PCNT: variants seen among roughly 807,000 people sequenced by gnomAD.
The protein encoded by PCNT is pericentrin.
Under a neutral mutation model 380.4 loss-of-function variants are expected in PCNT, and 319 were observed. The ratio of observed to expected loss-of-function variants is 0.84; its 90% confidence interval spans 0.77 to 0.92. The LOEUF is 0.92. PCNT is among the 40% of genes least tolerant of loss of function. PCNT has a pLI of 0.00. For synonymous variants in PCNT, 1,845 were observed against 1,735.2 expected, an observed-to-expected ratio of 1.06 and a Z score of -1.57; for missense variants, 4,400 against 4,255.3, an observed-to-expected ratio of 1.03 and a Z score of -0.95.
At chr21:46,365,350 C>A in intron 14 of PCNT, among the ~76,000 whole-genome samples, 1 of 142,870 alleles carries the variant, frequency 7.0e-6, no homozygotes, top group Non-Finnish European at 1.5e-5. Flanking sequence ...GGGTTCTATT[C>A]ACTGCCGTGG....
At position 46,351,397 on chromosome 21, in the gene PCNT, A is replaced by G. The variant is rs774194138; in HGVS notation, c.1345-32A>G. 13 of 1,202,004 alleles carry G rather than the reference A, an allele frequency of 1.1e-5. No individual in the cohort carries two copies. In the East Asian group the frequency reaches 1.4e-4, roughly 13 times the overall value. The allele number at this position is 1,202,004 out of a possible 1,614,324, so 74.5% of individuals were successfully genotyped here. The stretch of plus-strand genomic sequence containing the variant: ...CTGGGGTGGGGGCCTTGAGCTCATT[A>G]GGGTTTCACCTGGACACTTTGCTTT... On this transcript the variant is annotated intron_variant, in intron 8 of 46. Coordinates refer to ENST00000359568, the MANE Select transcript of PCNT (RefSeq NM_006031.6).
At chr21:46,402,184 T>A in intron 26 of PCNT, 147 bp from the exon 27 acceptor site, 1 of 576,360 alleles carries the variant, frequency 1.7e-6, no homozygotes, top group East Asian at 3.3e-5. Flanking sequence ...GTTTTACCAT[T>A]TGTGTGCGGG....
chr21:46,419,104 T>C (rs1045026974), intron 31 of PCNT, among the ~76,000 whole-genome samples: 1 of 151,788 alleles, frequency 6.6e-6, no homozygotes, highest in Non-Finnish European at 1.5e-5. Context: ...GTTGTCTTTT[T>C]ACAAGTCAGT....
chr21:46,387,818 C>A (rs2147260301), intron 17 of PCNT, among the ~76,000 whole-genome samples: 1 of 152,180 alleles, frequency 6.6e-6, no homozygotes. Context: ...GTCACTGGGT[C>A]AACGTGCCTG....
chr21:46,386,803 C>T (rs960447650), intron 17 of PCNT, among the ~76,000 whole-genome samples: 3 of 152,234 alleles, frequency 2.0e-5, no homozygotes, highest in Non-Finnish European at 2.9e-5. Flanking sequence ...CTTGCTTGCA[C>T]CTGTCTGGGC....
At position 46,390,682 on chromosome 21, in the gene PCNT, C is replaced by A; in HGVS notation, c.3853C>A (p.Arg1285Ser). ...LDSSRQLEEA[R>S]QIHSRFEKEF... ...TGTGTTTTAACAGCTGGAAGAAGCA[C>A]GCCAAATTCATTCTCGTTTTGAAAA... Residue 1285 changes from arginine to serine, a missense_variant, in exon 20 of 47, where the codon CGC (arginine) becomes AGC (serine). Coordinates refer to ENST00000359568, the MANE Select transcript of PCNT (RefSeq NM_006031.6). 2 of 1,614,078 alleles carry A rather than the reference C, an allele frequency of 1.2e-6. No homozygotes were observed. Among genetic ancestry groups the A allele is most frequent in the Non-Finnish European group, 1.7e-6 (2 of 1,179,988 alleles).
chr21:46,352,819 G>A (rs2084323960), intron 9 of PCNT, among the ~76,000 whole-genome samples: 1 of 152,140 alleles, frequency 6.6e-6, no homozygotes, highest in Non-Finnish European at 1.5e-5. Flanking sequence ...TGGGGCTGCA[G>A]GACCATCGTC....
In PCNT at chr21:46,411,911, G is replaced by C; in HGVS notation, c.5838G>C (p.Glu1946Asp). The C allele has an allele frequency of 6.3e-7, 1 of 1,587,008 alleles. No homozygotes were observed. Among genetic ancestry groups the C allele is most frequent in the Non-Finnish European group, 8.5e-7 (1 of 1,174,572 alleles). The change falls in exon 28 of 47, where the codon GAG (glutamate) becomes GAC (aspartate). Residue 1946 changes from glutamate to aspartate, a missense_variant. By Grantham distance (45) the Glu-to-Asp change is conservative. Transcript: ENST00000359568. ...AGCGGTTCCTGAGGTGCCAGGTGGA[G>C]CTGGACAGGCGGCAGGCCCGCAGAG... is the stretch of plus-strand genomic sequence containing the variant. ...LHQRFLRCQV[E>D]LDRRQARRAT...
intron 16 of PCNT, among the ~76,000 whole-genome samples, 184 bp downstream of exon 16, chr21:46,382,024 C>A (rs1235997954): frequency 1.3e-5 from 2 of 148,584 alleles, no homozygotes; most frequent in African/African-American, 5.0e-5. Flanking sequence ...AGCGCATTCA[C>A]GGTGTTGTGC....
chr21:46,396,718 C>T (rs548468268), intron 21 of PCNT, among the ~76,000 whole-genome samples: 2 of 152,292 alleles, frequency 1.3e-5, no homozygotes, highest in African/African-American at 4.8e-5. Context: ...ATTCTCCTGC[C>T]TCAGCCTCCC....
chr21:46,325,716 C>T (rs59141477), intron 1 of PCNT, among the ~76,000 whole-genome samples: 7,658 of 152,232 alleles, frequency 0.05, 254 homozygotes, highest in Middle Eastern at 0.1. Flanking sequence ...TCGCATACCT[C>T]TTGAGTAAGA....
rs751855202 is a variant in PCNT at position 46,399,626 on chromosome 21, G to A, written c.4621G>A (p.Asp1541Asn). The A allele has an allele frequency of 3.1e-6, 5 of 1,613,784 alleles. No homozygotes were observed. Among genetic ancestry groups the A allele is most frequent in the Non-Finnish European group, 4.2e-6 (5 of 1,179,796 alleles). Reference sequence around the variant, plus strand: ...ACAACAAAAGTTGAGAGAAAAGTTGGATGAATTTAATGAATTGGCTATACA... The same window carrying A: ...ACAACAAAAGTTGAGAGAAAAGTTGAATGAATTTAATGAATTGGCTATACA... ...LLQQKLREKL[D>N]EFNELAIQKE... Residue 1541 changes from aspartate (D) to asparagine (N), a missense_variant, in exon 25 of 47, where the codon GAT (aspartate) becomes AAT (asparagine). Coordinates refer to ENST00000359568, the MANE Select transcript of PCNT (RefSeq NM_006031.6).
In PCNT at chr21:46,388,905, T is replaced by C; in HGVS notation, c.3607+21T>C. On this transcript the variant is annotated intron_variant, in intron 18 of 46. Transcript: ENST00000359568. This position sits in a 1 kb window ranked among gnomAD's most constrained non-coding sequence, Gnocchi z 4.2. ...GACAGGTGAGTGTGCCGGGACCAGCTGCCCAGCCCTGTGCTTGCAGCCCCT... is the reference window on the plus strand; with the variant it reads ...GACAGGTGAGTGTGCCGGGACCAGCCGCCCAGCCCTGTGCTTGCAGCCCCT... The C allele has an allele frequency of 6.3e-7, 1 of 1,578,288 alleles. No individual in the cohort carries two copies. Among genetic ancestry groups the C allele is most frequent in the Non-Finnish European group, 8.6e-7 (1 of 1,168,256 alleles).
Position 46,388,964 on chromosome 21 carries a change from G to C in PCNT, c.3607+80G>C. 3.3e-6 allele frequency: 5 copies of C among 1,523,522 alleles called. No homozygotes were observed. Among genetic ancestry groups the C allele is most frequent in the Non-Finnish European group, 4.4e-6 (5 of 1,135,046 alleles). The allele number at this position is 1,523,522 out of a possible 1,614,324, so 94.4% of individuals were successfully genotyped here. ...CTGGAGCTCTCTGAGAGGAGCCTCC[G>C]TATTGGGCGATGCCCTTGGGAGCAC... On this transcript the variant is annotated intron_variant, in intron 18 of 46. Transcript: ENST00000359568. This position sits in a 1 kb window ranked among gnomAD's most constrained non-coding sequence, Gnocchi z 4.2.
chr21:46,425,939 C>G lies in PCNT; in HGVS notation c.7288C>G (p.Gln2430Glu). 1 of 1,614,118 alleles carries G rather than the reference C, an allele frequency of 6.2e-7. No homozygotes were observed. The highest frequency in any genetic ancestry group is 8.5e-7 in the Non-Finnish European group (1 of 1,180,028). ...CCCACCCCGGAAGGAAGACGAGATA[C>G]AGGACATCTCGCTCCATGGGGGAAA... Reference protein sequence around the residue: ...PHPPRKEDEIQDISLHGGKTQ... With the variant: ...PHPPRKEDEIEDISLHGGKTQ... The change falls in exon 33 of 47, where the codon CAG becomes GAG. Residue 2430 changes from glutamine to glutamate, a missense_variant. Physicochemically the swap from Gln to Glu is conservative, Grantham distance 29. Transcript: ENST00000359568. The surrounding 1 kb of genome is among the most constrained non-coding windows in gnomAD (Gnocchi z 4.2).
intron 18 of PCNT, 47 bp from the exon 19 acceptor site, chr21:46,389,152 C>T (rs745646671): frequency 2.9e-5 from 45 of 1,574,166 alleles, no homozygotes; most frequent in African/African-American, 2.3e-4. Context: ...TGGCCGCGGC[C>T]GGCTTGCTCA....
At position 46,355,551 on chromosome 21, in the gene PCNT, TCAGA is replaced by T; in HGVS notation, c.1866_1869del (p.Arg623AlafsTer3). On this transcript the variant is annotated frameshift_variant, in exon 12 of 47. Transcript: ENST00000359568. LOFTEE classifies it high-confidence loss of function. Reference sequence around the variant, plus strand: ...CTGCATCCAGCACGAGGGGCATGTCTCAGACAGATGCTGCGTAGAGACTTCAGCA... The same window carrying T: ...CTGCATCCAGCACGAGGGGCATGTCTCAGATGCTGCGTAGAGACTTCAGCA... The T allele has an allele frequency of 1.2e-6, 2 of 1,614,118 alleles. No homozygotes were observed. The highest frequency in any genetic ancestry group is 1.7e-6 in the Non-Finnish European group (2 of 1,180,020).
intron 16 of PCNT, among the ~76,000 whole-genome samples, chr21:46,383,839 C>G (rs1259908051): frequency 7.0e-6 from 1 of 143,818 alleles, no homozygotes; most frequent in African/African-American, 2.6e-5. Flanking sequence ...GGCGGAAGCG[C>G]ATTCACCATG....
chr21:46,391,691 C>T (rs1423582913), intron 21 of PCNT, among the ~76,000 whole-genome samples: 2 of 152,218 alleles, frequency 1.3e-5, no homozygotes, highest in Non-Finnish European at 2.9e-5. Context: ...GTGCGGCAAA[C>T]AAGAGCTACT....
Sources: allele counts gnomAD v4.1 joint callset (sites outside exome capture counted in the v4.1 genomes callset), GRCh38; gene constraint gnomAD v4.1.1; non-coding constraint Gnocchi (gnomAD v3.1); transcripts MANE v1.5; gene names NCBI Gene and HGNC (gene_info 2026-07-23, HGNC 2026-07-21).